Variants in HTT observed in about 807,000 individuals in gnomAD.
HTT encodes the protein huntingtin, also known as huntington disease protein.
Under a neutral mutation model 362.3 loss-of-function variants are expected in HTT, and 104 were observed. The observed-to-expected ratio is 0.29, with a 90% CI of 0.24 to 0.34. The LOEUF is 0.34. Ranked by LOEUF, HTT falls within the 10% of genes least tolerant of loss-of-function variation. HTT has a pLI of 1.00. For synonymous variants in HTT, 1,577 were observed against 1,548.7 expected (o/e 1.02, Z -0.43); for missense variants, 3,301 against 3,928.6 (o/e 0.84, Z 4.27).
chr4:3,114,603 A>G (rs1714929344), intron 6 of HTT, among the ~76,000 whole-genome samples: 1 of 152,276 alleles, frequency 6.6e-6, no homozygotes, highest in Non-Finnish European at 1.5e-5. Flanking sequence ...ATTGGAATCA[A>G]GTCATGGCTC....
intron 24 of HTT, 127 bp from the exon 25 acceptor site, chr4:3,146,670 A>G: frequency 1.3e-6 from 1 of 796,586 alleles, no homozygotes; most frequent in Admixed American, 2.3e-5. Context: ...GATTAAAAAT[A>G]AAACAATTTC....
At chr4:3,092,596 G>A (rs1713573909) in intron 2 of HTT, among the ~76,000 whole-genome samples, 1 of 152,104 alleles carries the variant, frequency 6.6e-6, no homozygotes, top group South Asian at 2.1e-4. Flanking sequence ...TGCCCAGGCT[G>A]GTCTAGAATT....
chr4:3,126,626 C>T (rs1715531693), intron 11 of HTT, among the ~76,000 whole-genome samples: 2 of 152,140 alleles, frequency 1.3e-5, no homozygotes, highest in Non-Finnish European at 2.9e-5. Flanking sequence ...AATCCGGATA[C>T]TATAAAGCTC....
intron 14 of HTT, among the ~76,000 whole-genome samples, chr4:3,130,940 A>G (rs1218446994): frequency 1.3e-5 from 2 of 151,964 alleles, no homozygotes; most frequent in South Asian, 2.1e-4. Flanking sequence ...GCCTTTCCCC[A>G]AGTAGCTTCT....
intron 6 of HTT, 44 bp downstream of exon 6, chr4:3,107,467 G>A (rs1714490945): frequency 6.2e-7 from 1 of 1,606,640 alleles, no homozygotes; most frequent in African/African-American, 1.3e-5. Context: ...GTGATGCTGT[G>A]AGTGAGTCTG....
At chr4:3,147,266 T>C (rs1173664860) in intron 25 of HTT, among the ~76,000 whole-genome samples, 2 of 152,274 alleles carry the variant, frequency 1.3e-5, no homozygotes, top group South Asian at 2.1e-4. Context: ...GAAAGTATAA[T>C]GTATGGACTT....
intron 2 of HTT, among the ~76,000 whole-genome samples, chr4:3,095,673 A>G (rs980250503): frequency 6.6e-6 from 1 of 152,258 alleles, no homozygotes; most frequent in Non-Finnish European, 1.5e-5. Context: ...GCTGCAGGAA[A>G]CTAATTTATG....
At chr4:3,225,815 G>T in intron 57 of HTT, 72 bp downstream of exon 57, 1 of 1,079,856 alleles carries the variant, frequency 9.3e-7, no homozygotes, top group South Asian at 1.4e-5. Flanking sequence ...GACACACCCA[G>T]GAGAAAAGCT....
At chr4:3,177,695 T>G (rs576287685) in intron 34 of HTT, among the ~76,000 whole-genome samples, 36 of 152,310 alleles carry the variant, frequency 2.4e-4, no homozygotes, top group African/African-American at 7.9e-4. Flanking sequence ...TTTTTAAATC[T>G]TCTTAGAGAA....
At position 3,206,978 on chromosome 4, in the gene HTT, T is replaced by G. The variant is rs745497814; in HGVS notation, c.6070T>G (p.Leu2024Val). Residue 2024 changes from leucine (L) to valine (V), a missense_variant, in exon 44 of 67, where the codon TTA becomes GTA. Transcript: ENST00000355072. The surrounding 1 kb of genome is among the most constrained non-coding windows in gnomAD (Gnocchi z 4.6). ...RRVEMLLAAN[L>V]QSSMAQLPME... ...GGTAGAAATGCTTCTGGCTGCAAAT[T>G]TACAGGTATTGGGAAGAGAAACCCT... The G allele has an allele frequency of 6.2e-6, 10 of 1,607,990 alleles. No individual in the cohort carries two copies. The highest frequency in any genetic ancestry group is 7.6e-6 in the Non-Finnish European group (9 of 1,177,914).
intron 10 of HTT, among the ~76,000 whole-genome samples, chr4:3,124,614 GA>G (rs1162201456): frequency 1.3e-5 from 2 of 152,206 alleles, no homozygotes; most frequent in Non-Finnish European, 2.9e-5. Context: ...TTGGAAGATA[GA>G]GATGGCTTTT....
At chr4:3,236,075 G>A (rs1475433110) in intron 63 of HTT, 74 bp from the exon 64 acceptor site, 2 of 1,074,658 alleles carry the variant, frequency 1.9e-6, no homozygotes, top group Non-Finnish European at 2.9e-6. Context: ...CTGGACCCCT[G>A]TGTACAAAGC....
chr4:3,161,935 C>T (rs1330788621), intron 29 of HTT, among the ~76,000 whole-genome samples: 2 of 152,108 alleles, frequency 1.3e-5, no homozygotes, highest in Admixed American at 6.5e-5. Context: ...AATTAGATCC[C>T]GTTTGTCAAT....
intron 49 of HTT, 53 bp from the exon 50 acceptor site, chr4:3,213,905 C>T: frequency 1.4e-6 from 2 of 1,431,258 alleles, no homozygotes; most frequent in Non-Finnish European, 9.3e-7. Context: ...CACACGGCTT[C>T]CCCAAACGAA....
chr4:3,206,443 C>G lies in HTT; in HGVS notation c.5719-53C>G. The G allele has an allele frequency of 7.0e-7, 1 of 1,427,810 alleles. No individual in the cohort carries two copies. The highest frequency in any genetic ancestry group is 9.9e-7 in the Non-Finnish European group (1 of 1,013,354). 88.4% of individuals were successfully genotyped at this position (1,427,810 alleles called of 1,614,324 possible). ...TCTGGCCTTTCTATGGCATTAATAC[C>G]TGGTCTCTTCTTGTGTACTTGAAAA... On this transcript the variant is annotated intron_variant, in intron 42 of 66. Coordinates refer to ENST00000355072, the MANE Select transcript of HTT (RefSeq NM_001388492.1). This position sits in a 1 kb window ranked among gnomAD's most constrained non-coding sequence, Gnocchi z 4.6.
At chr4:3,095,713 T>C (rs973350540) in intron 2 of HTT, among the ~76,000 whole-genome samples, 17 of 152,148 alleles carry the variant, frequency 1.1e-4, no homozygotes, top group Admixed American at 1.1e-3. Context: ...ATAAGGTAGA[T>C]TGTGATGAAG....
intron 31 of HTT, among the ~76,000 whole-genome samples, 158 bp from the exon 32 acceptor site, chr4:3,174,563 A>T (rs544427802): frequency 3.9e-5 from 6 of 152,226 alleles, no homozygotes; most frequent in Non-Finnish European, 8.8e-5. Flanking sequence ...GAAGAGGGCG[A>T]TGCTGCCACA....
intron 37 of HTT, among the ~76,000 whole-genome samples, chr4:3,184,347 T>C (rs542945977): frequency 1.8e-4 from 28 of 151,432 alleles, no homozygotes; most frequent in African/African-American, 6.1e-4. Flanking sequence ...GAGTGAGGCC[T>C]GGTGGGGTGA....
In HTT at chr4:3,081,390, A is replaced by T. The variant is rs112029780; in HGVS notation, c.264-5549A>T. 5.3e-4 allele frequency among the ~76,000 whole-genome samples: 80 copies of T among 152,304 alleles called. 2 individuals carry two copies. The highest frequency in any genetic ancestry group is 3.4e-3 in the Middle Eastern group (1 of 294). ...TTAATGACAAGGAAGTTTGAATTTC[A>T]TATAATTTTCACCTGTCATGAGATA... On this transcript the variant is annotated intron_variant, in intron 1 of 66. Coordinates refer to ENST00000355072, the MANE Select transcript of HTT (RefSeq NM_001388492.1).
Sources: allele counts gnomAD v4.1 joint callset (sites outside exome capture counted in the v4.1 genomes callset), GRCh38; gene constraint gnomAD v4.1.1; non-coding constraint Gnocchi (gnomAD v3.1); transcripts MANE v1.5; gene names NCBI Gene and HGNC (gene_info 2026-07-23, HGNC 2026-07-21).